The following FRYL variants were observed in gnomAD, a reference collection of about 807,000 sequenced individuals.
FRYL encodes the protein FRY like transcription coactivator, also known as protein furry homolog-like.
In FRYL, 150 loss-of-function variants were observed where a neutral mutation model predicts 351.2. The ratio of observed to expected loss-of-function variants is 0.43; its 90% CI spans 0.37 to 0.49. The LOEUF (loss-of-function observed/expected upper bound fraction) is 0.49, where lower values mean the gene tolerates loss of function less well. Among genes scored for constraint, FRYL ranks in the 20% least tolerant of loss-of-function variants. FRYL has a pLI of 0.00. For missense variants in FRYL, 3,036 were observed against 3,619.3 expected (o/e 0.84, Z 4.13); for synonymous variants, 1,153 against 1,257.1 (o/e 0.92, Z 1.75).
rs1161734085 is a variant in FRYL at position 48,614,721 on chromosome 4, CAAAAA to C, written c.411+4548_411+4552del. On this transcript the variant is annotated intron_variant, in intron 7 of 63. Transcript: ENST00000358350. ...TGGGCAACAGAGTGAGACTCCATCT[CAAAAA>C]AAAAAAAAAAAAAAAAAGAGAAACT... Among the ~76,000 whole-genome samples the C allele has an allele frequency of 1.5e-3, 72 of 47,128 alleles. 1 individual carries two copies. Among genetic ancestry groups the C allele is most frequent in the African/African-American group, 5.1e-3 (54 of 10,594 alleles). The allele number at this position is 47,128 out of a possible 152,430, so 30.9% of individuals were successfully genotyped here.
chr4:48,753,924 C>CA (rs1471378423), intron 1 of FRYL, among the ~76,000 whole-genome samples: 3 of 151,050 alleles, frequency 2.0e-5, no homozygotes, highest in South Asian at 4.2e-4. Flanking sequence ...TGCCCTTGCC[C>CA]AAAAAAAATG....
chr4:48,740,684 T>C (rs1276992542), intron 1 of FRYL, among the ~76,000 whole-genome samples: 1 of 152,008 alleles, frequency 6.6e-6, no homozygotes, highest in African/African-American at 2.4e-5. Context: ...TATCAGACAC[T>C]ATCAGGGAAA....
At chr4:48,553,455 T>G in intron 35 of FRYL, 72 bp from the exon 36 acceptor site, 1 of 1,057,360 alleles carries the variant, frequency 9.5e-7, no homozygotes, top group Non-Finnish European at 1.4e-6. Context: ...TGAGACAAAC[T>G]TTATCAGAGT....
chr4:48,567,524 T>C lies in FRYL; in HGVS notation c.2997-104A>G, dbSNP rs1343666938. ...CAGAATAATACATGTTAATTTTGCA[T>C]GCTCATGGCAGCACGCAACTTAATA... On this transcript the variant is annotated intron_variant, in intron 27 of 63. Transcript: ENST00000358350. This position sits in a 1 kb window ranked among gnomAD's most constrained non-coding sequence, Gnocchi z 4.2. 3.8e-6 allele frequency: 3 copies of C among 780,320 alleles called. No homozygotes were observed. The highest frequency in any genetic ancestry group is 5.8e-5 in the East Asian group (2 of 34,382). 48.3% of individuals were successfully genotyped at this position (780,320 alleles called of 1,614,324 possible).
intron 4 of FRYL, among the ~76,000 whole-genome samples, chr4:48,632,507 C>A (rs1175604309): frequency 6.6e-6 from 1 of 150,406 alleles, no homozygotes; most frequent in Non-Finnish European, 1.5e-5. Flanking sequence ...ATGCTATAGG[C>A]TTTTGTAATC....
chr4:48,728,360 G>A (rs1714813148), intron 1 of FRYL, among the ~76,000 whole-genome samples: 1 of 151,770 alleles, frequency 6.6e-6, no homozygotes, highest in Non-Finnish European at 1.5e-5. Context: ...AAAAAACAGA[G>A]GACGAAACAC....
At chr4:48,708,829 G>C (rs1378501240) in intron 2 of FRYL, among the ~76,000 whole-genome samples, 1 of 152,034 alleles carries the variant, frequency 6.6e-6, no homozygotes, top group Non-Finnish European at 1.5e-5. Flanking sequence ...CTTGGCCTCA[G>C]GTCATCCTCC....
chr4:48,569,336 C>T (rs993052344), intron 27 of FRYL, among the ~76,000 whole-genome samples: 3 of 151,982 alleles, frequency 2.0e-5, no homozygotes, highest in African/African-American at 7.2e-5. Flanking sequence ...GGCGGAGTTT[C>T]ACTCTTCTCA....
intron 1 of FRYL, among the ~76,000 whole-genome samples, chr4:48,776,601 A>G (rs1776049973): frequency 6.6e-6 from 1 of 152,202 alleles, no homozygotes. Context: ...CTTGTACTGT[A>G]AGAGGATTTT....
intron 2 of FRYL, among the ~76,000 whole-genome samples, chr4:48,704,948 T>A (rs1767150527): frequency 2.4e-5 from 2 of 83,734 alleles, no homozygotes. Context: ...AGACTCCGTC[T>A]CAAAAAAAAA....
intron 13 of FRYL, among the ~76,000 whole-genome samples, chr4:48,597,378 A>T (rs1222664734): frequency 5.3e-5 from 8 of 152,160 alleles, no homozygotes; most frequent in Non-Finnish European, 1.5e-5. Context: ...ACAACACACC[A>T]AGAGTAAACT....
chr4:48,525,103 A>T (rs1725737820), intron 53 of FRYL, among the ~76,000 whole-genome samples: 1 of 150,262 alleles, frequency 6.7e-6, no homozygotes, highest in South Asian at 2.1e-4. Context: ...GAGAATAGAA[A>T]ATATCAGTAT....
chr4:48,589,746 T>A lies in FRYL; in HGVS notation c.1639A>T (p.Thr547Ser). 6.2e-7 allele frequency: 1 copy of A among 1,612,836 alleles called. No homozygotes were observed. Among genetic ancestry groups the A allele is most frequent in the Non-Finnish European group, 8.5e-7 (1 of 1,179,568 alleles). Reference protein sequence around the residue: ...MSNKEPEDMITGERKPKIDLF... With the variant: ...MSNKEPEDMISGERKPKIDLF... ...GAAGGCACATAATTTACTACATACGTAATCATGTCTTCAGGCTCCTTATTA... is the reference window on the plus strand; with the variant it reads ...GAAGGCACATAATTTACTACATACGAAATCATGTCTTCAGGCTCCTTATTA... The change falls in exon 18 of 64, where the codon ACG becomes TCG. Residue 547 changes from threonine to serine, a missense_variant and splice_region_variant. Thr to Ser is a moderately conservative substitution (Grantham distance 58). This residue lies in a region of FRYL where 78 missense variants were observed against 106.6 expected (regional missense o/e 0.73). Coordinates refer to ENST00000358350, the MANE Select transcript of FRYL (RefSeq NM_015030.2).
intron 1 of FRYL, among the ~76,000 whole-genome samples, chr4:48,760,939 A>G (rs533577870): frequency 3.3e-5 from 5 of 150,034 alleles, no homozygotes; most frequent in Admixed American, 1.3e-4. Flanking sequence ...CAGTCTCCCA[A>G]AGTGCTGCGA....
intron 1 of FRYL, among the ~76,000 whole-genome samples, chr4:48,772,679 CAAAAAAA>C (rs33926702): frequency 2.0e-5 from 1 of 50,266 alleles, no homozygotes; most frequent in South Asian, 1.2e-3. Context: ...AGAGACCTAC[CAAAAAAA>C]AAAAAAAAAA....
intron 3 of FRYL, among the ~76,000 whole-genome samples, chr4:48,658,869 T>A: frequency 6.6e-6 from 1 of 151,894 alleles, no homozygotes. Context: ...AAAAAAACAT[T>A]TGTAACAATC....
intron 30 of FRYL, among the ~76,000 whole-genome samples, chr4:48,564,616 A>G (rs148189202): frequency 3.3e-5 from 5 of 152,160 alleles, no homozygotes; most frequent in African/African-American, 1.2e-4. Flanking sequence ...AGCAAATAAC[A>G]TATTTTTCCC....
chr4:48,565,985 A>C (rs1736696354), intron 28 of FRYL, among the ~76,000 whole-genome samples: 1 of 152,200 alleles, frequency 6.6e-6, no homozygotes, highest in Non-Finnish European at 1.5e-5. Flanking sequence ...TGGGGCCAGG[A>C]GTCCATTTCT....
intron 3 of FRYL, among the ~76,000 whole-genome samples, chr4:48,680,248 T>C (rs1764409612): frequency 6.6e-6 from 1 of 151,970 alleles, no homozygotes; most frequent in East Asian, 1.9e-4. Context: ...ATTTACTCCC[T>C]AAAATTAAAA....
Sources: allele counts gnomAD v4.1 joint callset (sites outside exome capture counted in the v4.1 genomes callset), GRCh38; gene constraint gnomAD v4.1.1; regional missense constraint gnomAD v4.1.1; non-coding constraint Gnocchi (gnomAD v3.1); transcripts MANE v1.5; gene names NCBI Gene and HGNC (gene_info 2026-07-23, HGNC 2026-07-21).